The following FNIP1 variants were observed in gnomAD, a reference collection of about 807,000 sequenced individuals.
FNIP1 encodes the protein folliculin-interacting protein 1.
Under a neutral mutation model 124.5 loss-of-function variants are expected in FNIP1, and 40 were observed. The ratio of observed to expected loss-of-function variants is 0.32; its 90% CI spans 0.25 to 0.42. FNIP1 has a LOEUF of 0.42. FNIP1 is among the 10% of genes least tolerant of loss of function. FNIP1 has a pLI of 1.00. For synonymous variants in FNIP1, 472 were observed against 470.6 expected (o/e 1.00, Z -0.04); for missense variants, 1,176 against 1,403.7 (o/e 0.84, Z 2.59).
intron 3 of FNIP1, among the ~76,000 whole-genome samples, chr5:131,721,656 G>A (rs1251967260): frequency 6.6e-6 from 1 of 152,146 alleles, no homozygotes; most frequent in East Asian, 1.9e-4. Flanking sequence ...AAATTAGCTG[G>A]GCATGGTGGT....
chr5:131,796,881 G>C lies in FNIP1; in HGVS notation c.41C>G (p.Thr14Ser), dbSNP rs1486897847. ...GTCGCGGCCGGGCGCGCCCAGCCCG[G>C]TCCTCTTGCTGAAGAGCTTCTGGAA... ...TLFQKLFSKRTGLGAPGRDAR... is the reference protein window; with the variant it reads ...TLFQKLFSKRSGLGAPGRDAR... The change falls in exon 1 of 18, where the codon ACC becomes AGC. Residue 14 changes from threonine (T) to serine (S), a missense_variant. Thr to Ser is a moderately conservative substitution (Grantham distance 58, BLOSUM62 1). Transcript: ENST00000510461. 6.2e-7 allele frequency: 1 copy of C among 1,609,092 alleles called. No homozygotes were observed. Among genetic ancestry groups the C allele is most frequent in the Non-Finnish European group, 8.5e-7 (1 of 1,178,396 alleles).
At chr5:131,740,995 G>A (rs886573646) in intron 2 of FNIP1, among the ~76,000 whole-genome samples, 3 of 152,158 alleles carry the variant, frequency 2.0e-5, no homozygotes, top group Non-Finnish European at 4.4e-5. Flanking sequence ...AAAAATGGGA[G>A]GCATGAATAA....
At chr5:131,709,696 G>C (rs1272118984) in intron 7 of FNIP1, among the ~76,000 whole-genome samples, 1 of 151,954 alleles carries the variant, frequency 6.6e-6, no homozygotes, top group African/African-American at 2.4e-5. Flanking sequence ...AATAAATTGA[G>C]ATATTTATTT....
At chr5:131,726,045 G>A (rs569976698) in intron 3 of FNIP1, among the ~76,000 whole-genome samples, 4 of 152,224 alleles carry the variant, frequency 2.6e-5, no homozygotes, top group African/African-American at 7.2e-5. Flanking sequence ...GGACAAAGGC[G>A]ACTTGATCGT....
rs554561285 is a variant in FNIP1, at chr5:131,699,522, T to C, written c.1117-520A>G. 4.6e-5 allele frequency among the ~76,000 whole-genome samples: 7 copies of C among 151,350 alleles called. No homozygotes were observed. The East Asian group carries it at 1.4e-3, about 30-fold the overall frequency. On this transcript the variant is annotated intron_variant, in intron 10 of 17. Coordinates refer to ENST00000510461, the MANE Select transcript of FNIP1 (RefSeq NM_133372.3). The stretch of plus-strand genomic sequence containing the variant: ...GATTTTCCTGCCTCAGTCTCCCGAG[T>C]AGCTGGGATTACAGGTGCCTGCCAC...
intron 1 of FNIP1, among the ~76,000 whole-genome samples, chr5:131,747,905 A>C (rs1317724230): frequency 6.6e-6 from 1 of 152,158 alleles, no homozygotes; most frequent in Non-Finnish European, 1.5e-5. Context: ...GAGGAAGTAG[A>C]GAACAGGATA....
intron 2 of FNIP1, among the ~76,000 whole-genome samples, chr5:131,742,183 G>T (rs1395550971): frequency 2.0e-5 from 3 of 152,098 alleles, no homozygotes; most frequent in Admixed American, 6.5e-5. Flanking sequence ...TGGTAAATAG[G>T]CCAGGCAAAG....
intron 1 of FNIP1, among the ~76,000 whole-genome samples, chr5:131,779,632 G>A (rs1392284651): frequency 2.0e-5 from 3 of 150,344 alleles, no homozygotes; most frequent in Non-Finnish European, 4.4e-5. Flanking sequence ...AGCTTGCAGT[G>A]AGCCGATATC....
intron 16 of FNIP1, among the ~76,000 whole-genome samples, chr5:131,651,190 G>A (rs988439609): frequency 5.3e-5 from 8 of 152,014 alleles, no homozygotes; most frequent in Admixed American, 6.6e-5. Context: ...AGAAGTCTGA[G>A]ACCAGTCTGG....
At chr5:131,745,817 G>A (rs1440759047) in intron 1 of FNIP1, among the ~76,000 whole-genome samples, 2 of 152,144 alleles carry the variant, frequency 1.3e-5, no homozygotes, top group Admixed American at 1.3e-4. Context: ...CTTATATAGA[G>A]GTTAAAAACG....
At chr5:131,785,028 A>ACTATATATAT (rs1491453223) in intron 1 of FNIP1, among the ~76,000 whole-genome samples, 12 of 13,228 alleles carry the variant, frequency 9.1e-4, no homozygotes, top group African/African-American at 2.4e-3. Context: ...GATATATATG[A>ACTATATATAT]CATATATATG....
chr5:131,661,006 C>T (rs1014602990), intron 15 of FNIP1, among the ~76,000 whole-genome samples: 6 of 152,208 alleles, frequency 3.9e-5, no homozygotes, highest in African/African-American at 1.2e-4. Flanking sequence ...CTCCTTCCTT[C>T]TCCTGACTGG....
intron 15 of FNIP1, among the ~76,000 whole-genome samples, chr5:131,657,609 AAAAGCCATG>A (rs781640045): frequency 2.0e-5 from 3 of 152,066 alleles, no homozygotes; most frequent in Admixed American, 6.5e-5. Flanking sequence ...CTGTTACAGA[AAAAGCCATG>A]AAAGCCATCA....
intron 1 of FNIP1, among the ~76,000 whole-genome samples, chr5:131,748,326 CAA>C (rs1770752314): frequency 6.6e-6 from 1 of 152,100 alleles, no homozygotes; most frequent in Non-Finnish European, 1.5e-5. Context: ...CTCATGTAAA[CAA>C]ACCTACTGCA....
chr5:131,786,674 T>C (rs1039298310), intron 1 of FNIP1, among the ~76,000 whole-genome samples: 3 of 152,218 alleles, frequency 2.0e-5, no homozygotes, highest in Non-Finnish European at 4.4e-5. Context: ...ATGAGGGCTC[T>C]GCCCTCATGA....
At chr5:131,731,908 G>A (rs1234686607) in intron 2 of FNIP1, among the ~76,000 whole-genome samples, 1 of 152,184 alleles carries the variant, frequency 6.6e-6, no homozygotes. Flanking sequence ...AAATGCAAAT[G>A]AGACTTTCAG....
intron 1 of FNIP1, among the ~76,000 whole-genome samples, chr5:131,753,818 T>C (rs1770959344): frequency 1.4e-5 from 2 of 144,800 alleles, no homozygotes; most frequent in South Asian, 4.3e-4. Flanking sequence ...TTAAAACAGA[T>C]TTTTTTTTTT....
At chr5:131,657,736 CAAAAAAA>C (rs59097834) in intron 15 of FNIP1, among the ~76,000 whole-genome samples, 6 of 65,056 alleles carry the variant, frequency 9.2e-5, no homozygotes, top group Admixed American at 5.0e-4. Context: ...GAAAATAAGG[CAAAAAAA>C]AAAAAAAAAA....
chr5:131,763,430 G>A (rs1431979755), intron 1 of FNIP1, among the ~76,000 whole-genome samples: 1 of 152,164 alleles, frequency 6.6e-6, no homozygotes, highest in Non-Finnish European at 1.5e-5. Context: ...AAAGAAAAGA[G>A]TTTTAAATGC....
Sources: allele counts gnomAD v4.1 joint callset (sites outside exome capture counted in the v4.1 genomes callset), GRCh38; gene constraint gnomAD v4.1.1; transcripts MANE v1.5; gene names NCBI Gene and HGNC (gene_info 2026-07-23, HGNC 2026-07-21).